The following LRRC37A2 variants were observed in gnomAD, a reference collection of about 807,000 sequenced individuals.
LRRC37A2 encodes leucine rich repeat containing 37 member A2, also known as leucine-rich repeat-containing protein 37A2.
Under a neutral mutation model 68.8 loss-of-function variants are expected in LRRC37A2, and 9 were observed. The ratio of observed to expected loss-of-function variants is 0.13; its 90% CI spans 0.08 to 0.23. The LOEUF is 0.23. LRRC37A2 is among the 10% of genes least tolerant of loss of function. The probability of loss-of-function intolerance (pLI) is 1.00; values close to 1 mark genes in which losing one functional copy is unlikely to be tolerated. For missense variants in LRRC37A2, 168 were observed against 950.4 expected (o/e 0.18, Z 10.82); for synonymous variants, 63 against 367.6 (o/e 0.17, Z 9.48).
the LRRC37A2 span, chr17:46,726,705 A>C: frequency 8.8e-7 from 1 of 1,132,224 alleles, no homozygotes; most frequent in South Asian, 1.2e-5. Flanking sequence ...AGTATTTATA[A>C]ACTGTAAAGC....
the LRRC37A2 span, among the ~76,000 whole-genome samples, chr17:46,845,207 G>A: frequency 1.3e-4 from 20 of 152,242 alleles, no homozygotes; most frequent in African/African-American, 4.8e-4. Context: ...ATGCCTTTCT[G>A]TTGTAAAACA....
the LRRC37A2 span, among the ~76,000 whole-genome samples, chr17:46,925,780 G>A: frequency 1.3e-5 from 2 of 152,126 alleles, no homozygotes; most frequent in Non-Finnish European, 2.9e-5. Flanking sequence ...AATACATTGA[G>A]TACATTGGAA....
the LRRC37A2 span, among the ~76,000 whole-genome samples, chr17:46,807,094 C>T: frequency 6.6e-6 from 1 of 152,162 alleles, no homozygotes; most frequent in Non-Finnish European, 1.5e-5. Flanking sequence ...GAACCAACCT[C>T]AGCTTTAGAG....
chr17:46,952,950 G>T, the LRRC37A2 span: 1 of 152,082 alleles, frequency 6.6e-6, no homozygotes. Flanking sequence ...CCCCACATAA[G>T]ATGCTCGATG....
chr17:46,802,940 C>T, the LRRC37A2 span, among the ~76,000 whole-genome samples: 1 of 152,146 alleles, frequency 6.6e-6, no homozygotes. Context: ...GTCACAGGAA[C>T]CCTGATTTAT....
intron 6 of LRRC37A2, among the ~76,000 whole-genome samples, chr17:46,536,874 C>G (rs868412869): frequency 0.18 from 1,699 of 9,612 alleles, no homozygotes; most frequent in Admixed American, 0.28. Flanking sequence ...TTTGAAGGAG[C>G]TCCAGCTCCA....
the LRRC37A2 span, among the ~76,000 whole-genome samples, chr17:46,707,483 A>G: frequency 3.3e-5 from 5 of 152,082 alleles, no homozygotes; most frequent in African/African-American, 1.2e-4. Context: ...ATCCATCTCT[A>G]AAACTCTTTT....
chr17:46,857,520 T>C, the LRRC37A2 span, among the ~76,000 whole-genome samples: 1 of 152,116 alleles, frequency 6.6e-6, no homozygotes, highest in Non-Finnish European at 1.5e-5. Flanking sequence ...TTTGCAGTTT[T>C]GGACTATTCC....
chr17:46,736,816 A>C, the LRRC37A2 span, among the ~76,000 whole-genome samples: 2 of 152,174 alleles, frequency 1.3e-5, no homozygotes, highest in Admixed American at 6.5e-5. Context: ...GAATATCTGA[A>C]ATATGCTGTG....
chr17:46,723,464 A>G, the LRRC37A2 span, among the ~76,000 whole-genome samples: 1 of 152,238 alleles, frequency 6.6e-6, no homozygotes, highest in Non-Finnish European at 1.5e-5. Context: ...GTTGTCTCGA[A>G]TGTACCAACT....
the LRRC37A2 span, among the ~76,000 whole-genome samples, chr17:46,962,620 C>A: frequency 5.9e-5 from 9 of 152,178 alleles, no homozygotes; most frequent in Non-Finnish European, 1.2e-4. Context: ...GGAGGAAATG[C>A]CATGAGTTGA....
chr17:46,502,379 C>T, the LRRC37A2 span, among the ~76,000 whole-genome samples: 1 of 151,210 alleles, frequency 6.6e-6, no homozygotes, highest in African/African-American at 2.5e-5. Flanking sequence ...GGCCCGGTCT[C>T]TGCTCACTGC....
At chr17:46,886,730 TAAAC>T in the LRRC37A2 span, 1 of 152,270 alleles carries the variant, frequency 6.6e-6, no homozygotes, top group Admixed American at 6.5e-5. Context: ...TTAAGATCTT[TAAAC>T]AAAATTTATT....
At chr17:47,013,596 C>T in the LRRC37A2 span, among the ~76,000 whole-genome samples, 8 of 152,302 alleles carry the variant, frequency 5.3e-5, no homozygotes, top group South Asian at 6.2e-4. Flanking sequence ...CAAGATCTGG[C>T]CATTATTTCA....
the LRRC37A2 span, among the ~76,000 whole-genome samples, chr17:46,829,795 G>A: frequency 6.6e-6 from 1 of 151,366 alleles, no homozygotes. Context: ...TGATGCTGTG[G>A]TGGGGTGGGG....
the LRRC37A2 span, among the ~76,000 whole-genome samples, chr17:46,784,687 C>T: frequency 5.9e-5 from 9 of 152,054 alleles, no homozygotes; most frequent in African/African-American, 1.2e-4. Context: ...ATATTCCGGA[C>T]GAGGTCCCCA....
chr17:46,394,595 A>G, the LRRC37A2 span, among the ~76,000 whole-genome samples: 1 of 69,696 alleles, frequency 1.4e-5, no homozygotes, highest in African/African-American at 4.1e-5. Context: ...GAGAGATAAC[A>G]CTTTACACCC....
chr17:47,032,510 G>T, the LRRC37A2 span, among the ~76,000 whole-genome samples: 1 of 152,172 alleles, frequency 6.6e-6, no homozygotes. Context: ...ATGACAATTT[G>T]GCTTTGTGTG....
chr17:46,792,473 G>T, the LRRC37A2 span, among the ~76,000 whole-genome samples: 2 of 152,020 alleles, frequency 1.3e-5, no homozygotes, highest in African/African-American at 4.8e-5. Flanking sequence ...ACTCAGAGTG[G>T]CCATTTTATT....
Sources: gnomAD v4.1 joint callset for allele counts (sites outside exome capture counted in the v4.1 genomes callset) on GRCh38, gnomAD v4.1.1 for gene constraint, MANE v1.5 for transcripts, NCBI Gene and HGNC (gene_info 2026-07-23, HGNC 2026-07-21) for gene names.